Variants in DYNC2I1 observed in about 807,000 individuals in gnomAD.
DYNC2I1 encodes the protein cytoplasmic dynein 2 intermediate chain 1.
A neutral mutation model predicts 133.4 loss-of-function variants in DYNC2I1; 89 were observed. The ratio of observed to expected loss-of-function variants is 0.67; its 90% CI spans 0.56 to 0.80. The LOEUF is 0.80. Among genes scored for constraint, DYNC2I1 ranks in the 30% least tolerant of loss-of-function variants. The pLI is 0.00. For missense variants in DYNC2I1, 1,291 were observed against 1,314.5 expected, an observed-to-expected ratio of 0.98 and a Z score of 0.28; for synonymous variants, 504 against 484.3, an observed-to-expected ratio of 1.04 and a Z score of -0.54.
At chr7:158,894,378 G>GT (rs1845577618) in intron 8 of DYNC2I1, among the ~76,000 whole-genome samples, 1 of 152,084 alleles carries the variant, frequency 6.6e-6, no homozygotes, top group South Asian at 2.1e-4. Context: ...GCATTGTAAA[G>GT]TAAAAAAAAA....
At position 158,904,763 on chromosome 7, in the gene DYNC2I1, C is replaced by T. The variant is rs10227870; in HGVS notation, c.1358-1226C>T. The T allele has an allele frequency of 3.8e-3, 628 of 165,978 alleles. 9 individuals carry two copies. The highest frequency in any genetic ancestry group is 0.014 in the African/African-American group (573 of 41,666). The allele number at this position is 165,978 out of a possible 1,614,324, so 10.3% of individuals were successfully genotyped here. Reference sequence around the variant, plus strand: ...CTGAGATGCAGAGATGAGGTAACCTCCCATGGTCATGAAGCAAGTAGCGGA... The same window carrying T: ...CTGAGATGCAGAGATGAGGTAACCTTCCATGGTCATGAAGCAAGTAGCGGA... On this transcript the variant is annotated intron_variant, in intron 10 of 24. Coordinates refer to ENST00000407559, the MANE Select transcript of DYNC2I1 (RefSeq NM_018051.5).
At chr7:158,880,607 A>G (rs6970686) in intron 5 of DYNC2I1, among the ~76,000 whole-genome samples, 240 of 152,300 alleles carry the variant, frequency 1.6e-3, no homozygotes, top group African/African-American at 5.5e-3. Context: ...GGAAGCTGGT[A>G]CGTTTTAAAG....
the DYNC2I1 span, among the ~76,000 whole-genome samples, chr7:158,846,995 GTTC>G: frequency 2.0e-5 from 3 of 152,158 alleles, no homozygotes; most frequent in Non-Finnish European, 2.9e-5. Context: ...ATGTGAAAGA[GTTC>G]TTATTAATTG....
chr7:158,905,213 T>C (rs998313290), intron 10 of DYNC2I1: 2 of 378,816 alleles, frequency 5.3e-6, no homozygotes, highest in Non-Finnish European at 1.0e-5. Context: ...TGATCTCGGC[T>C]CACTGCAACC....
chr7:158,874,441 A>G (rs1432823490), intron 3 of DYNC2I1, among the ~76,000 whole-genome samples: 3 of 152,050 alleles, frequency 2.0e-5, no homozygotes, highest in Non-Finnish European at 2.9e-5. Context: ...ATTGTTTTTG[A>G]TGTTTTTGGT....
At chr7:158,927,854 T>G (rs1849779430) in intron 20 of DYNC2I1, among the ~76,000 whole-genome samples, 1 of 152,084 alleles carries the variant, frequency 6.6e-6, no homozygotes, top group Non-Finnish European at 1.5e-5. Flanking sequence ...CCAGCCTGAG[T>G]GAATGTTTTG....
the DYNC2I1 span, among the ~76,000 whole-genome samples, chr7:158,849,203 A>G: frequency 1.3e-5 from 2 of 152,216 alleles, no homozygotes; most frequent in South Asian, 4.1e-4. Context: ...CTGGGATGGG[A>G]ACATAAACAT....
chr7:158,851,986 A>G (rs916184534), upstream of DYNC2I1, among the ~76,000 whole-genome samples: 3 of 152,198 alleles, frequency 2.0e-5, no homozygotes, highest in Non-Finnish European at 4.4e-5. Flanking sequence ...ACGGAATTCT[A>G]AAAAGATGTG....
intron 16 of DYNC2I1, 77 bp from the exon 17 acceptor site, chr7:158,923,494 C>G (rs965615144): frequency 1.2e-6 from 2 of 1,601,844 alleles, no homozygotes; most frequent in African/African-American, 1.3e-5. Flanking sequence ...TCAGACACCC[C>G]ACTCAGTAAA....
chr7:158,949,285 A>G (rs1347096333), downstream of DYNC2I1, among the ~76,000 whole-genome samples: 1 of 152,292 alleles, frequency 6.6e-6, no homozygotes, highest in Non-Finnish European at 1.5e-5. Flanking sequence ...TGAATGCGGA[A>G]GTAGGCTTTT....
At chr7:158,912,851 G>C in intron 12 of DYNC2I1, 134 bp from the exon 13 acceptor site, 1 of 629,012 alleles carries the variant, frequency 1.6e-6, no homozygotes, top group Non-Finnish European at 2.7e-6. Context: ...TTTAAGCACA[G>C]GTTGTCTTTG....
rs757437534 is a variant in DYNC2I1, at chr7:158,925,891, G to GGGCT, written c.2258-294_2258-291dup. Among the ~76,000 whole-genome samples, 46 of 152,162 alleles carry GGGCT rather than the reference G, an allele frequency of 3.0e-4. No individual in the cohort carries two copies. In the South Asian group the frequency reaches 4.6e-3, roughly 15 times the overall value. The stretch of plus-strand genomic sequence containing the variant: ...ACTTTCTCTGTCTGAGTTTTCTTTC[G>GGGCT]GGCTGTGTGGCATGCTCTGTTTGGA... On this transcript the variant is annotated intron_variant, in intron 17 of 24. Coordinates refer to ENST00000407559, the MANE Select transcript of DYNC2I1 (RefSeq NM_018051.5).
intron 17 of DYNC2I1, among the ~76,000 whole-genome samples, chr7:158,925,591 T>C (rs950294568): frequency 6.6e-6 from 1 of 152,174 alleles, no homozygotes; most frequent in South Asian, 2.1e-4. Context: ...AGGTGTATAT[T>C]TTAGGTCAGT....
At chr7:158,890,611 C>CTT (rs762969115) in intron 7 of DYNC2I1, among the ~76,000 whole-genome samples, 2 of 145,408 alleles carry the variant, frequency 1.4e-5, no homozygotes, top group Non-Finnish European at 3.0e-5. Flanking sequence ...TTTTTTTTTT[C>CTT]TTTGAGACTG....
Position 158,911,582 on chromosome 7 carries a change from A to G in DYNC2I1, c.1493A>G (p.Asp498Gly), listed in dbSNP as rs191178114. The change falls in exon 12 of 25, where the codon GAC becomes GGC. Residue 498 changes from aspartate to glycine, a missense_variant. Physicochemically the swap from Asp to Gly is moderately conservative, Grantham distance 94. Coordinates refer to ENST00000407559, the MANE Select transcript of DYNC2I1 (RefSeq NM_018051.5). The stretch of plus-strand genomic sequence containing the variant: ...AGTACAAAACTGCTTCGGCTCATTG[A>G]CTTAGATTTTTCATTTACTTTCTCT... ...MRSTKLLRLI[D>G]LDFSFTFSLL... The G allele has an allele frequency of 1.6e-5, 26 of 1,613,724 alleles. No homozygotes were observed. In the East Asian group the frequency reaches 4.7e-4, roughly 29 times the overall value.
chr7:158,847,313 A>T, the DYNC2I1 span, among the ~76,000 whole-genome samples: 5 of 152,172 alleles, frequency 3.3e-5, no homozygotes, highest in African/African-American at 1.2e-4. Flanking sequence ...TTGCTAAAGA[A>T]AATGCATTTT....
intron 16 of DYNC2I1, 102 bp from the exon 17 acceptor site, chr7:158,923,469 C>A: frequency 1.3e-6 from 2 of 1,537,510 alleles, no homozygotes; most frequent in Non-Finnish European, 1.8e-6. Context: ...GACTCCCGTG[C>A]AAAGTGAAAC....
chr7:158,856,608 C>G lies in DYNC2I1; in HGVS notation c.-128C>G, dbSNP rs1026016772. The G allele has an allele frequency of 2.0e-6, 2 of 997,980 alleles. No individual in the cohort carries two copies. Among genetic ancestry groups the G allele is most frequent in the Non-Finnish European group, 1.3e-6 (1 of 775,630 alleles). The allele number at this position is 997,980 out of a possible 1,614,324, so 61.8% of individuals were successfully genotyped here. On this transcript the variant is annotated 5_prime_UTR_variant, in exon 1 of 25. Transcript: ENST00000407559. Reference sequence around the variant, plus strand: ...CAGTGCTTCTGGGCCCTCTGCTGCTCCTGCTTGTCGGTTGCTAGGCGCTGG... The same window carrying G: ...CAGTGCTTCTGGGCCCTCTGCTGCTGCTGCTTGTCGGTTGCTAGGCGCTGG...
At chr7:158,947,879 T>C (rs1218333142), downstream of DYNC2I1, among the ~76,000 whole-genome samples, 3 of 152,140 alleles carry the variant, frequency 2.0e-5, 1 homozygote, top group East Asian at 5.8e-4. Flanking sequence ...CTGTGGCTGG[T>C]TGGCCTGTGC....
Sources: gnomAD v4.1 joint callset for allele counts (sites outside exome capture counted in the v4.1 genomes callset) on GRCh38, gnomAD v4.1.1 for gene constraint, MANE v1.5 for transcripts, NCBI Gene and HGNC (gene_info 2026-07-23, HGNC 2026-07-21) for gene names.